The following PRDM7 variants were observed in gnomAD, a reference collection of about 807,000 sequenced individuals.
The protein encoded by PRDM7 is histone-lysine N-methyltransferase PRDM7.
In PRDM7, 52 loss-of-function variants were observed where a neutral mutation model predicts 64.3. The observed-to-expected ratio is 0.81, with a 90% CI of 0.65 to 1.02. The LOEUF (loss-of-function observed/expected upper bound fraction) is 1.02, where lower values mean the gene tolerates loss of function less well. PRDM7 is among the 50% of genes least tolerant of loss of function. The probability of loss-of-function intolerance (pLI) is 0.00; values close to 1 mark genes in which losing one functional copy is unlikely to be tolerated. For synonymous variants in PRDM7, 192 were observed against 210.1 expected (o/e 0.91, Z 0.74); for missense variants, 574 against 597.1 (o/e 0.96, Z 0.40).
intron 4 of PRDM7, among the ~76,000 whole-genome samples, chr16:90,072,384 A>G (rs930808402): frequency 5.3e-5 from 8 of 152,240 alleles, no homozygotes; most frequent in African/African-American, 1.9e-4. Context: ...CATGCAGTAG[A>G]ATATTATTCA....
At chr16:90,070,013 C>A (rs1480018579) in intron 4 of PRDM7, 3 of 157,662 alleles carry the variant, frequency 1.9e-5, no homozygotes, top group Non-Finnish European at 2.8e-5. Context: ...TGAGATCACG[C>A]CATTGCACTC....
Position 90,063,665 on chromosome 16 carries a change from A to T in PRDM7, c.455T>A (p.Val152Glu), listed in dbSNP as rs376232719. The T allele has an allele frequency of 6.2e-6, 10 of 1,613,996 alleles. No individual in the cohort carries two copies. The highest frequency in any genetic ancestry group is 1.7e-4 in the Middle Eastern group (1 of 6,028). Reference protein sequence around the residue: ...TSDSEQAQKPVSPPGEASTSG... With the variant: ...TSDSEQAQKPESPPGEASTSG... The stretch of plus-strand genomic sequence containing the variant: ...GGTACTTGCTTCTCCAGGAGGGGAC[A>T]CTGGTTTCTGAGCCTGCTCTGAGTC... The change falls in exon 6 of 11, where the codon GTG (valine) becomes GAG (glutamate). Residue 152 changes from valine (V) to glutamate (E), a missense_variant. Coordinates refer to ENST00000449207, the MANE Select transcript of PRDM7 (RefSeq NM_001098173.2).
rs201423947 is a variant in PRDM7 at position 90,075,519 on chromosome 16, C to T, written c.70-45G>A. Reference sequence around the variant, plus strand: ...CCATCAGTGATTTACTAATACACATCGAGCTGGTCCTTTTCCTCTACCCTG... The same window carrying T: ...CCATCAGTGATTTACTAATACACATTGAGCTGGTCCTTTTCCTCTACCCTG... On this transcript the variant is annotated intron_variant, in intron 2 of 10. Coordinates refer to ENST00000449207, the MANE Select transcript of PRDM7 (RefSeq NM_001098173.2). This position sits in a 1 kb window ranked among gnomAD's most constrained non-coding sequence, Gnocchi z 4.3. The T allele has an allele frequency of 3.3e-5, 53 of 1,614,060 alleles. No individual in the cohort carries two copies. Among genetic ancestry groups the T allele is most frequent in the Non-Finnish European group, 3.9e-5 (46 of 1,179,990 alleles).
chr16:90,073,531 C>G (rs548281522), intron 4 of PRDM7, among the ~76,000 whole-genome samples: 1 of 152,072 alleles, frequency 6.6e-6, no homozygotes, highest in African/African-American at 2.4e-5. Flanking sequence ...TCCTGAGTAG[C>G]TGGGACTACA....
rs1283390639 is a variant in PRDM7 at position 90,074,858 on chromosome 16, A to G, written c.301+58T>C. ...CACGCCATTGCACTCCAGCCTGGGC[A>G]ACAAGAGCGAAACTCCGTCTTTAAA... On this transcript the variant is annotated intron_variant, in intron 4 of 10. Coordinates refer to ENST00000449207, the MANE Select transcript of PRDM7 (RefSeq NM_001098173.2). 1.9e-6 allele frequency: 3 copies of G among 1,558,476 alleles called. No individual in the cohort carries two copies. The African/African-American group carries it at 4.1e-5, about 21-fold the overall frequency.
At chr16:90,064,058 G>A (rs2037830516) in intron 5 of PRDM7, among the ~76,000 whole-genome samples, 1 of 152,242 alleles carries the variant, frequency 6.6e-6, no homozygotes, top group Non-Finnish European at 1.5e-5. Context: ...ATCTGTGAAA[G>A]AAGGGGATGA....
In PRDM7 at chr16:90,057,880, C is replaced by T; in HGVS notation, c.*409G>A. Reference sequence around the variant, plus strand: ...AGACTGGGGCGTCTCCCCTGTGTGTCCTCTGGTGAATGAGGAGGACTGACT... The same window carrying T: ...AGACTGGGGCGTCTCCCCTGTGTGTTCTCTGGTGAATGAGGAGGACTGACT... On this transcript the variant is annotated 3_prime_UTR_variant, in exon 11 of 11. Coordinates refer to ENST00000449207, the MANE Select transcript of PRDM7 (RefSeq NM_001098173.2). 1 of 1,521,896 alleles carries T rather than the reference C, an allele frequency of 6.6e-7. No individual in the cohort carries two copies. Among genetic ancestry groups the T allele is most frequent in the Admixed American group, 1.7e-5 (1 of 57,228 alleles). 94.3% of individuals were successfully genotyped at this position (1,521,896 alleles called of 1,614,324 possible). A position where few individuals can be genotyped will look rare whatever the true frequency, so the allele number is the denominator to read the frequency against.
chr16:90,071,007 C>G (rs900059845), intron 4 of PRDM7, among the ~76,000 whole-genome samples: 1 of 152,162 alleles, frequency 6.6e-6, no homozygotes, highest in African/African-American at 2.4e-5. Context: ...TAGCCTCTGT[C>G]AAAAAACCAG....
chr16:90,068,252 T>C, intron 4 of PRDM7, among the ~76,000 whole-genome samples: 2 of 148,000 alleles, frequency 1.4e-5, no homozygotes, highest in East Asian at 2.0e-4. Flanking sequence ...GCACTCCAGC[T>C]TGGGCGACAG....
chr16:90,063,854 T>G lies in PRDM7; in HGVS notation c.352-86A>C, dbSNP rs537721046. The G allele has an allele frequency of 5.3e-6, 8 of 1,498,440 alleles. No individual in the cohort carries two copies. In the Admixed American group the frequency reaches 1.5e-4, roughly 29 times the overall value. 92.8% of individuals were successfully genotyped at this position (1,498,440 alleles called of 1,614,324 possible). A position where few individuals can be genotyped will look rare whatever the true frequency, so the allele number is the denominator to read the frequency against. The stretch of plus-strand genomic sequence containing the variant: ...GCAACATGTTTTCATATGACTGTAG[T>G]TAATGTTCAAACCTTGGAAATACCT... On this transcript the variant is annotated intron_variant, in intron 5 of 10. Coordinates refer to ENST00000449207, the MANE Select transcript of PRDM7 (RefSeq NM_001098173.2).
chr16:90,072,345 A>T (rs1482202704), intron 4 of PRDM7, among the ~76,000 whole-genome samples: 1 of 150,522 alleles, frequency 6.6e-6, no homozygotes, highest in Admixed American at 6.6e-5. Flanking sequence ...CCATTGACAA[A>T]TGAATGGATT....
chr16:90,058,028 G>C lies in PRDM7; in HGVS notation c.*261C>G. On this transcript the variant is annotated 3_prime_UTR_variant, in exon 11 of 11. Transcript: ENST00000449207. ...CTCCCACACTCTCTGCAGACGTAGGGCTTCCCCCCTGTGTGTGTCCTTTGG... is the reference window on the plus strand; with the variant it reads ...CTCCCACACTCTCTGCAGACGTAGGCCTTCCCCCCTGTGTGTGTCCTTTGG... The C allele has an allele frequency of 6.2e-7, 1 of 1,610,620 alleles. No homozygotes were observed. Among genetic ancestry groups the C allele is most frequent in the Non-Finnish European group, 8.5e-7 (1 of 1,177,654 alleles).
Position 90,075,151 on chromosome 16 carries a change from G to A in PRDM7, c.194-128C>T. On this transcript the variant is annotated intron_variant, in intron 3 of 10. Transcript: ENST00000449207. This position sits in a 1 kb window ranked among gnomAD's most constrained non-coding sequence, Gnocchi z 4.3. ...GATGAGCTGGGAGAGTCTTGAACAAGGTCAAGATGTGACCTCTGCATGGTC... is the reference window on the plus strand; with the variant it reads ...GATGAGCTGGGAGAGTCTTGAACAAAGTCAAGATGTGACCTCTGCATGGTC... 7.4e-7 allele frequency: 1 copy of A among 1,354,246 alleles called. No homozygotes were observed. The highest frequency in any genetic ancestry group is 1.0e-6 in the Non-Finnish European group (1 of 962,158). The allele number at this position is 1,354,246 out of a possible 1,614,324, so 83.9% of individuals were successfully genotyped here.
chr16:90,075,815 T>C lies in PRDM7; in HGVS notation c.69+27A>G. On this transcript the variant is annotated intron_variant, in intron 2 of 10. Transcript: ENST00000449207. The surrounding 1 kb of genome is among the most constrained non-coding windows in gnomAD (Gnocchi z 4.3). ...TCCAGAGATCAGCTCCTGCTGGGAG[T>C]CTGGCTTCGCCTCCCCGACTTCTCA... is the stretch of plus-strand genomic sequence containing the variant. 1 of 1,609,258 alleles carries C rather than the reference T, an allele frequency of 6.2e-7. No homozygotes were observed. The highest frequency in any genetic ancestry group is 1.3e-5 in the African/African-American group (1 of 74,910).
At chr16:90,059,864 T>G (rs1467535017) in intron 10 of PRDM7, among the ~76,000 whole-genome samples, 1 of 152,258 alleles carries the variant, frequency 6.6e-6, no homozygotes, top group African/African-American at 2.4e-5. Flanking sequence ...AAGTTATCTG[T>G]TCAAGAGCAG....
intron 9 of PRDM7, 122 bp from the exon 10 acceptor site, chr16:90,060,745 G>T: frequency 7.1e-7 from 1 of 1,408,630 alleles, no homozygotes; most frequent in Non-Finnish European, 1.0e-6. Context: ...TTTTTTCAAA[G>T]CCCAACTCCA....
In PRDM7 at chr16:90,075,905, G is replaced by A; in HGVS notation, c.6C>T (p.Ser2=). 1 of 1,613,766 alleles carries A rather than the reference G, an allele frequency of 6.2e-7. No individual in the cohort carries two copies. Among genetic ancestry groups the A allele is most frequent in the Non-Finnish European group, 8.5e-7 (1 of 1,179,866 alleles). M[S]PERSQEESPE... is the part of the protein sequence containing the mutation. ...GGCTCTCCTCTTGGGACCTTTCAGGGCTCATGGTGCTGGGACTGTCTAGAA... is the reference window on the plus strand; with the variant it reads ...GGCTCTCCTCTTGGGACCTTTCAGGACTCATGGTGCTGGGACTGTCTAGAA... Residue 2 remains serine (S), a synonymous_variant, in exon 2 of 11, where the codon AGC becomes AGT. Transcript: ENST00000449207. This position sits in a 1 kb window ranked among gnomAD's most constrained non-coding sequence, Gnocchi z 4.3.
Position 90,061,911 on chromosome 16 carries a change from C to T in PRDM7, c.882+10G>A. ...AAGACAGAACAGGGGAAACAGCAGG[C>T]TCTTCTTACTAGCCAGGAATATCCA... On this transcript the variant is annotated intron_variant, in intron 8 of 10. Transcript: ENST00000449207. 1 of 1,614,216 alleles carries T rather than the reference C, an allele frequency of 6.2e-7. No homozygotes were observed. Among genetic ancestry groups the T allele is most frequent in the Non-Finnish European group, 8.5e-7 (1 of 1,179,998 alleles).
chr16:90,063,995 G>A (rs1351240687), intron 5 of PRDM7, among the ~76,000 whole-genome samples: 1 of 152,194 alleles, frequency 6.6e-6, no homozygotes, highest in Non-Finnish European at 1.5e-5. Flanking sequence ...TTCTGTGTAA[G>A]TTAAAGGGAA....
Sources: allele counts gnomAD v4.1 joint callset (sites outside exome capture counted in the v4.1 genomes callset), GRCh38; gene constraint gnomAD v4.1.1; non-coding constraint Gnocchi (gnomAD v3.1); transcripts MANE v1.5; gene names NCBI Gene and HGNC (gene_info 2026-07-23, HGNC 2026-07-21).